Variants in ZSWIM4 observed in about 807,000 individuals in gnomAD.
ZSWIM4 encodes zinc finger SWIM-type containing 4.
A neutral mutation model predicts 102.5 loss-of-function variants in ZSWIM4; 62 were observed. The observed-to-expected ratio is 0.60, with a 90% CI of 0.49 to 0.75. The LOEUF (loss-of-function observed/expected upper bound fraction) is 0.75, where lower values mean the gene tolerates loss of function less well. Among genes scored for constraint, ZSWIM4 ranks in the 30% least tolerant of loss-of-function variants. The probability of loss-of-function intolerance (pLI) is 0.00; values close to 1 mark genes in which losing one functional copy is unlikely to be tolerated. For synonymous variants in ZSWIM4, 652 were observed against 674.5 expected (o/e 0.97, Z 0.52); for missense variants, 1,280 against 1,529.6 (o/e 0.84, Z 2.72).
At position 13,824,183 on chromosome 19, in the gene ZSWIM4, AGAG is replaced by A. The variant is rs778076380; in HGVS notation, c.2215+687_2215+689del. On this transcript the variant is annotated intron_variant, in intron 11 of 13. Transcript: ENST00000590508. ...GAGAAGAGGGAGAGAGGAGAGACAGAGAGGAGAAGTTAAATTTCTCCAGTGTAT... is the reference window on the plus strand; with the variant it reads ...GAGAAGAGGGAGAGAGGAGAGACAGAGAGAAGTTAAATTTCTCCAGTGTAT... 2.6e-5 allele frequency among the ~76,000 whole-genome samples: 4 copies of A among 152,176 alleles called. No individual in the cohort carries two copies. In the South Asian group the frequency reaches 8.3e-4, roughly 32 times the overall value.
chr19:13,831,347 T>G lies in ZSWIM4; in HGVS notation c.*297T>G. 2 of 330,610 alleles carry G rather than the reference T, an allele frequency of 6.0e-6. No individual in the cohort carries two copies. The highest frequency in any genetic ancestry group is 1.1e-5 in the Non-Finnish European group (2 of 180,560). 20.5% of individuals were successfully genotyped at this position (330,610 alleles called of 1,614,324 possible). On this transcript the variant is annotated 3_prime_UTR_variant, in exon 14 of 14. Coordinates refer to ENST00000590508, the MANE Select transcript of ZSWIM4 (RefSeq NM_001367834.3). Reference sequence around the variant, plus strand: ...CCCAAAAGCAATAGGCAAACTCCCCTTACCCAGACTGGCTTGGGCTCCAGG... The same window carrying G: ...CCCAAAAGCAATAGGCAAACTCCCCGTACCCAGACTGGCTTGGGCTCCAGG...
intron 9 of ZSWIM4, 85 bp downstream of exon 9, chr19:13,818,061 G>A: frequency 7.0e-7 from 1 of 1,422,404 alleles, no homozygotes; most frequent in Non-Finnish European, 9.2e-7. Context: ...CTGCCAGATG[G>A]GAGGCCCCGC....
At chr19:13,830,021 A>G (rs1245394307) in intron 13 of ZSWIM4, among the ~76,000 whole-genome samples, 170 bp from the exon 14 acceptor site, 2 of 152,100 alleles carry the variant, frequency 1.3e-5, no homozygotes, top group Admixed American at 1.3e-4. Context: ...CCTTCTACAC[A>G]CGTGATTCCC....
At position 13,819,543 on chromosome 19, in the gene ZSWIM4, G is replaced by A. The variant is rs752220003; in HGVS notation, c.2060+51G>A. 16 of 1,539,006 alleles carry A rather than the reference G, an allele frequency of 1.0e-5. No individual in the cohort carries two copies. In the Admixed American group the frequency reaches 3.2e-4, roughly 30 times the overall value. On this transcript the variant is annotated intron_variant, in intron 10 of 13. Transcript: ENST00000590508. Reference sequence around the variant, plus strand: ...GCAGGGGGAGCTGGGGGGAAGAGGGGCGGGCATGGGGGGTAGCTCAGAGCC... The same window carrying A: ...GCAGGGGGAGCTGGGGGGAAGAGGGACGGGCATGGGGGGTAGCTCAGAGCC...
intron 2 of ZSWIM4, among the ~76,000 whole-genome samples, chr19:13,803,943 C>A (rs1316978933): frequency 6.6e-6 from 1 of 150,702 alleles, no homozygotes; most frequent in African/African-American, 2.4e-5. Flanking sequence ...CTCACTGCAA[C>A]CTCTGCCTCC....
intron 7 of ZSWIM4, 72 bp from the exon 8 acceptor site, chr19:13,817,144 A>G: frequency 1.3e-6 from 2 of 1,526,078 alleles, no homozygotes; most frequent in Middle Eastern, 1.8e-4. Flanking sequence ...GCAGGTCAAG[A>G]AGAGGAATAT....
chr19:13,825,454 C>T lies in ZSWIM4; in HGVS notation c.2216-96C>T. On this transcript the variant is annotated intron_variant, in intron 11 of 13. Coordinates refer to ENST00000590508, the MANE Select transcript of ZSWIM4 (RefSeq NM_001367834.3). This position sits in a 1 kb window ranked among gnomAD's most constrained non-coding sequence, Gnocchi z 4.6. ...ATCCCTCCACACTCACACATGTGCC[C>T]CTGGGTGGAAGGATCTGTGTGAACA... 7.0e-7 allele frequency: 1 copy of T among 1,433,476 alleles called. No individual in the cohort carries two copies. The highest frequency in any genetic ancestry group is 9.6e-7 in the Non-Finnish European group (1 of 1,038,522). 88.8% of individuals were successfully genotyped at this position (1,433,476 alleles called of 1,614,324 possible).
intron 1 of ZSWIM4, among the ~76,000 whole-genome samples, chr19:13,797,568 C>T (rs970039057): frequency 6.6e-6 from 1 of 152,204 alleles, no homozygotes; most frequent in African/African-American, 2.4e-5. Flanking sequence ...GGAAGAAGAA[C>T]TGTCTTGGGC....
At chr19:13,808,049 A>G in intron 3 of ZSWIM4, among the ~76,000 whole-genome samples, 1 of 152,094 alleles carries the variant, frequency 6.6e-6, no homozygotes, top group Non-Finnish European at 1.5e-5. Flanking sequence ...CAGGAGAGAG[A>G]GAGCGAAGGG....
chr19:13,811,235 ACAGAGTTAATGTTATT>A (rs1334337112), intron 5 of ZSWIM4, among the ~76,000 whole-genome samples: 1 of 152,128 alleles, frequency 6.6e-6, no homozygotes, highest in African/African-American at 2.4e-5. Context: ...TGTAAGAGAC[ACAGAGTTAATGTTATT>A]CAGCCCTGCA....
Position 13,804,846 on chromosome 19 carries a change from G to A in ZSWIM4, c.410G>A (p.Arg137His), listed in dbSNP as rs755768359. Residue 137 changes from arginine to histidine, a missense_variant, in exon 3 of 14, where the codon CGC becomes CAC. Physicochemically the swap from Arg to His is conservative, Grantham distance 29. Coordinates refer to ENST00000590508, the MANE Select transcript of ZSWIM4 (RefSeq NM_001367834.3). ...CCAGGGAGTCCTGGAGAGCCCGAGC[G>A]CCTCTACCATGTCTCCATCAGCTTT... ...REPGSPGEPERLYHVSISFDR... is the reference protein window; with the variant it reads ...REPGSPGEPEHLYHVSISFDR... 12 of 1,610,008 alleles carry A rather than the reference G, an allele frequency of 7.5e-6. No individual in the cohort carries two copies. Among genetic ancestry groups the A allele is most frequent in the South Asian group, 4.4e-5 (4 of 91,024 alleles).
chr19:13,805,198 C>G, intron 3 of ZSWIM4, 50 bp downstream of exon 3: 5 of 1,485,518 alleles, frequency 3.4e-6, no homozygotes, highest in Non-Finnish European at 4.6e-6. Flanking sequence ...AAGCGCACAG[C>G]CACGCCACTT....
chr19:13,802,151 A>G (rs1974788394), intron 2 of ZSWIM4, among the ~76,000 whole-genome samples: 1 of 115,084 alleles, frequency 8.7e-6, no homozygotes, highest in Non-Finnish European at 1.6e-5. Context: ...AATTTTTTCT[A>G]TTTTTTAGTA....
Position 13,805,057 on chromosome 19 carries a change from C to T in ZSWIM4, c.621C>T (p.Leu207=), listed in dbSNP as rs1974881233. The T allele has an allele frequency of 1.9e-6, 3 of 1,609,162 alleles. No homozygotes were observed. Among genetic ancestry groups the T allele is most frequent in the African/African-American group, 1.3e-5 (1 of 74,910 alleles). The change falls in exon 3 of 14, where the codon CTC becomes CTT. Residue 207 remains leucine, a synonymous_variant. Coordinates refer to ENST00000590508, the MANE Select transcript of ZSWIM4 (RefSeq NM_001367834.3). ...AGCTGCAGAAGTTCGTGCAGTACCT[C>T]ATCAGCGCCCATCACACTGAGGTGC... ...RDQLQKFVQY[L]ISAHHTEVLP...
At chr19:13,813,490 G>A (rs1975167625) in intron 6 of ZSWIM4, among the ~76,000 whole-genome samples, 1 of 151,966 alleles carries the variant, frequency 6.6e-6, no homozygotes, top group African/African-American at 2.4e-5. Flanking sequence ...GAATCAAACA[G>A]AAGGGGAAAG....
intron 2 of ZSWIM4, among the ~76,000 whole-genome samples, chr19:13,803,201 A>C (rs1354181660): frequency 6.6e-6 from 1 of 152,148 alleles, no homozygotes; most frequent in Non-Finnish European, 1.5e-5. Flanking sequence ...TGCCACCTCC[A>C]GCTGGTATGA....
intron 10 of ZSWIM4, among the ~76,000 whole-genome samples, chr19:13,820,877 A>T (rs535017023): frequency 4.0e-5 from 6 of 151,410 alleles, no homozygotes; most frequent in African/African-American, 1.5e-4. Context: ...TAAAAGAACC[A>T]CTTGGAAGCT....
At position 13,820,901 on chromosome 19, in the gene ZSWIM4, G is replaced by C. The variant is rs1599609186; in HGVS notation, c.2060+1409G>C. ...CACTTGGAAGCTGATAGACATTTAC[G>C]CAATTTCCAAAAAAAAAAAAAAAAG... On this transcript the variant is annotated intron_variant, in intron 10 of 13. Coordinates refer to ENST00000590508, the MANE Select transcript of ZSWIM4 (RefSeq NM_001367834.3). Among the ~76,000 whole-genome samples the C allele has an allele frequency of 2.8e-5, 4 of 144,846 alleles. No homozygotes were observed. In the South Asian group the frequency reaches 8.6e-4, roughly 31 times the overall value.
chr19:13,797,742 T>C (rs1974649770), intron 1 of ZSWIM4, among the ~76,000 whole-genome samples: 1 of 152,158 alleles, frequency 6.6e-6, no homozygotes, highest in Non-Finnish European at 1.5e-5. Flanking sequence ...AGCCTCCACC[T>C]CCTGGGTTCA....
Sources: allele counts gnomAD v4.1 joint callset (sites outside exome capture counted in the v4.1 genomes callset), GRCh38; gene constraint gnomAD v4.1.1; non-coding constraint Gnocchi (gnomAD v3.1); transcripts MANE v1.5; gene names NCBI Gene and HGNC (gene_info 2026-07-23, HGNC 2026-07-21).